Variants in PARD3B observed in about 807,000 individuals in gnomAD.
PARD3B encodes par-3 family cell polarity regulator beta.
A neutral mutation model predicts 130.2 loss-of-function variants in PARD3B; 103 were observed. The observed-to-expected ratio is 0.79, with a 90% confidence interval of 0.67 to 0.93. PARD3B has a LOEUF of 0.93. PARD3B is among the 40% of genes least tolerant of loss of function. The pLI, the probability that PARD3B is intolerant of heterozygous loss-of-function variation, is 0.00. For synonymous variants in PARD3B, 583 were observed against 553.2 expected (o/e 1.05, Z -0.76); for missense variants, 1,609 against 1,499.2 (o/e 1.07, Z -1.21).
At chr2:205,416,219 C>T (rs2046770172) in intron 19 of PARD3B, among the ~76,000 whole-genome samples, 1 of 151,830 alleles carries the variant, frequency 6.6e-6, no homozygotes, top group African/African-American at 2.4e-5. Context: ...CCTGGGTGTG[C>T]CTGCATGTGT....
At chr2:204,945,098 A>G (rs1299508134) in intron 2 of PARD3B, among the ~76,000 whole-genome samples, 4 of 152,252 alleles carry the variant, frequency 2.6e-5, no homozygotes, top group African/African-American at 9.6e-5. Context: ...TTACAGTACC[A>G]TCGGGTTCAT....
chr2:205,208,378 G>A (rs2037435435), intron 15 of PARD3B, among the ~76,000 whole-genome samples: 1 of 131,920 alleles, frequency 7.6e-6, no homozygotes. Context: ...GGGCAATCAG[G>A]CAGGAGAAGG....
chr2:205,096,264 A>G (rs1330129892), intron 4 of PARD3B, among the ~76,000 whole-genome samples: 2 of 152,132 alleles, frequency 1.3e-5, no homozygotes, highest in Non-Finnish European at 2.9e-5. Context: ...CAATATAAAG[A>G]AAATAGAAGT....
At chr2:205,030,199 C>T (rs780081426) in intron 3 of PARD3B, among the ~76,000 whole-genome samples, 1 of 152,026 alleles carries the variant, frequency 6.6e-6, no homozygotes, top group Non-Finnish European at 1.5e-5. Context: ...GAGATAGTCC[C>T]CTGAGGTGAG....
chr2:205,383,138 A>AGATAGATAGATAGATC (rs955641992), intron 18 of PARD3B, among the ~76,000 whole-genome samples: 23 of 138,548 alleles, frequency 1.7e-4, no homozygotes, highest in African/African-American at 5.1e-4. Context: ...ATAGATAGAT[A>AGATAGATAGATAGATC]GATCGATCTA....
intron 2 of PARD3B, among the ~76,000 whole-genome samples, chr2:204,726,699 T>G (rs1219904116): frequency 6.6e-6 from 1 of 152,174 alleles, no homozygotes; most frequent in African/African-American, 2.4e-5. Context: ...TGGGATTGCT[T>G]CTCCTACCCA....
intron 1 of PARD3B, among the ~76,000 whole-genome samples, chr2:204,581,524 T>A (rs1393705579): frequency 6.6e-6 from 1 of 152,106 alleles, no homozygotes; most frequent in Non-Finnish European, 1.5e-5. Flanking sequence ...AAAAGAATTC[T>A]GACAGAGAAG....
At chr2:204,730,147 T>A (rs1024939136) in intron 2 of PARD3B, among the ~76,000 whole-genome samples, 3 of 152,100 alleles carry the variant, frequency 2.0e-5, no homozygotes, top group Non-Finnish European at 4.4e-5. Context: ...CAATCTTGGC[T>A]CACTGCAACC....
In PARD3B at chr2:205,581,418, AATATATAAAT is replaced by A. The variant is rs1229727390; in HGVS notation, c.3260+28042_3260+28051del. On this transcript the variant is annotated intron_variant, in intron 22 of 22. Coordinates refer to ENST00000406610, the MANE Select transcript of PARD3B (RefSeq NM_001302769.2). ...ATAAATATATATATAAGTATATATA[AATATATAAAT>A]ATATATAAATATATATAAATATATA... Among the ~76,000 whole-genome samples the A allele has an allele frequency of 4.3e-3, 368 of 86,414 alleles. 1 individual carries two copies. The highest frequency in any genetic ancestry group is 0.015 in the South Asian group (40 of 2,730). 56.7% of individuals were successfully genotyped at this position (86,414 alleles called of 152,430 possible). A position where few individuals can be genotyped will look rare whatever the true frequency, so the allele number is the denominator to read the frequency against.
chr2:204,854,473 T>C (rs979809265), intron 2 of PARD3B, among the ~76,000 whole-genome samples: 5 of 152,048 alleles, frequency 3.3e-5, no homozygotes, highest in African/African-American at 1.2e-4. Context: ...TGAAAGGTAA[T>C]GATAACGAAG....
rs1379216098 is a variant in PARD3B, at chr2:204,803,157, A to T, written c.222+116875A>T. Among the ~76,000 whole-genome samples the T allele has an allele frequency of 5.1e-3, 699 of 137,186 alleles. 2 individuals carry two copies. The highest frequency in any genetic ancestry group is 0.014 in the African/African-American group (512 of 36,416). The allele number at this position is 137,186 out of a possible 152,430, so 90.0% of individuals were successfully genotyped here. On this transcript the variant is annotated intron_variant, in intron 2 of 22. Transcript: ENST00000406610. The stretch of plus-strand genomic sequence containing the variant: ...AAAGTGCTGAAGGAAAAAAAAAAAA[A>T]AAAAAAATATATATATATATATATA...
chr2:205,416,136 A>G (rs1217146253), intron 19 of PARD3B, among the ~76,000 whole-genome samples: 1 of 152,100 alleles, frequency 6.6e-6, no homozygotes, highest in Non-Finnish European at 1.5e-5. Flanking sequence ...TCCTGAGGGC[A>G]TGCTTCTGGT....
intron 18 of PARD3B, among the ~76,000 whole-genome samples, chr2:205,314,884 C>A (rs1172994494): frequency 6.6e-6 from 1 of 152,134 alleles, no homozygotes; most frequent in Non-Finnish European, 1.5e-5. Flanking sequence ...CCAGGAATCC[C>A]GTGATGTCCG....
At chr2:204,797,559 A>C (rs2042418192) in intron 2 of PARD3B, among the ~76,000 whole-genome samples, 1 of 152,224 alleles carries the variant, frequency 6.6e-6, no homozygotes, top group African/African-American at 2.4e-5. Context: ...CCTGTACATA[A>C]CACTGACTTA....
rs188374815 is a variant in PARD3B, at chr2:205,536,945, A to G, written c.3181-16379A>G. 5.8e-4 allele frequency among the ~76,000 whole-genome samples: 89 copies of G among 152,318 alleles called. 1 individual carries two copies. Among genetic ancestry groups the G allele is most frequent in the African/African-American group, 2.0e-3 (82 of 41,572 alleles). On this transcript the variant is annotated intron_variant, in intron 21 of 22. Transcript: ENST00000406610. ...TATGAATTGGCGTTGTACATTTTCT[A>G]ACATATAAATCAACTCCCCCTGGGA...
chr2:205,373,989 A>G (rs2044927465), intron 18 of PARD3B, among the ~76,000 whole-genome samples: 1 of 152,152 alleles, frequency 6.6e-6, no homozygotes, highest in Non-Finnish European at 1.5e-5. Context: ...ATATTTACTT[A>G]GCTTGCCCAG....
intron 2 of PARD3B, among the ~76,000 whole-genome samples, chr2:204,821,148 A>G (rs2043337480): frequency 6.6e-6 from 1 of 152,144 alleles, no homozygotes; most frequent in Non-Finnish European, 1.5e-5. Context: ...TGTGTCCCAA[A>G]TCTCATCTTG....
At chr2:205,147,497 G>C (rs2033448594) in intron 10 of PARD3B, among the ~76,000 whole-genome samples, 1 of 152,064 alleles carries the variant, frequency 6.6e-6, no homozygotes, top group Non-Finnish European at 1.5e-5. Context: ...TTATTTTCTA[G>C]TATTAGATTA....
At chr2:204,894,533 TA>T (rs2046574529) in intron 2 of PARD3B, among the ~76,000 whole-genome samples, 1 of 152,066 alleles carries the variant, frequency 6.6e-6, no homozygotes, top group South Asian at 2.1e-4. Flanking sequence ...AAATGCTCCT[TA>T]AAATACAACA....
Sources: allele counts gnomAD v4.1 joint callset (sites outside exome capture counted in the v4.1 genomes callset), GRCh38; gene constraint gnomAD v4.1.1; transcripts MANE v1.5; gene names NCBI Gene and HGNC (gene_info 2026-07-23, HGNC 2026-07-21).